MGAT5: variants seen among roughly 807,000 people sequenced by gnomAD.
The protein encoded by MGAT5 is alpha-1,6-mannosylglycoprotein 6-beta-N-acetylglucosaminyltransferase.
In MGAT5, 30 loss-of-function variants were observed where a neutral mutation model predicts 94.3. The observed-to-expected ratio is 0.32, with a 90% CI of 0.24 to 0.43. The LOEUF is 0.43. Ranked by LOEUF, MGAT5 falls within the 20% of genes least tolerant of loss-of-function variation. MGAT5 has a pLI of 1.00. For missense variants in MGAT5, 691 were observed against 905.5 expected, an observed-to-expected ratio of 0.76 and a Z score of 3.04; for synonymous variants, 310 against 322.9, an observed-to-expected ratio of 0.96 and a Z score of 0.43.
intron 1 of MGAT5, chr2:134,120,343 G>A: frequency 5.2e-6 from 2 of 387,544 alleles, no homozygotes; most frequent in Admixed American, 9.0e-5. Flanking sequence ...CGTCATCCCC[G>A]CGGGGTGATG....
intron 1 of MGAT5, among the ~76,000 whole-genome samples, chr2:134,228,799 T>A (rs1031194320): frequency 1.3e-5 from 2 of 152,176 alleles, no homozygotes; most frequent in African/African-American, 4.8e-5. Context: ...CTCCCTGTGA[T>A]CAGCTTTCCT....
Position 134,245,759 on chromosome 2 carries a change from A to T in MGAT5, c.-142-8503A>T, listed in dbSNP as rs1376386251. The stretch of plus-strand genomic sequence containing the variant: ...ATAGAGAGGGCAGGAAGAAGAGTGC[A>T]TGTTCTGGACCCAGATTCACCAGCC... On this transcript the variant is annotated intron_variant, in intron 1 of 16. Transcript: ENST00000409645. 5.3e-5 allele frequency among the ~76,000 whole-genome samples: 8 copies of T among 152,176 alleles called. No individual in the cohort carries two copies. In the East Asian group the frequency reaches 1.5e-3, roughly 29 times the overall value.
intron 4 of MGAT5, among the ~76,000 whole-genome samples, chr2:134,325,726 A>T (rs1294914089): frequency 6.6e-6 from 1 of 152,060 alleles, no homozygotes; most frequent in East Asian, 1.9e-4. Context: ...TCCAGTAAGG[A>T]CCCTAAATTG....
At chr2:134,303,899 C>T (rs565445324) in intron 2 of MGAT5, among the ~76,000 whole-genome samples, 2 of 152,270 alleles carry the variant, frequency 1.3e-5, no homozygotes, top group South Asian at 4.1e-4. Context: ...CTCTGGGGCA[C>T]AGCCATATAA....
At chr2:134,206,726 A>G (rs1680037902) in intron 1 of MGAT5, among the ~76,000 whole-genome samples, 1 of 152,180 alleles carries the variant, frequency 6.6e-6, no homozygotes, top group Non-Finnish European at 1.5e-5. Context: ...GAGGAGGATT[A>G]CTCAGAAGAG....
intron 10 of MGAT5, among the ~76,000 whole-genome samples, chr2:134,376,903 C>A (rs1267218553): frequency 6.6e-6 from 1 of 152,194 alleles, no homozygotes; most frequent in Non-Finnish European, 1.5e-5. Context: ...TCAGTAGGCC[C>A]AGACAAATCC....
chr2:134,183,021 A>C (rs1206471547), intron 1 of MGAT5, among the ~76,000 whole-genome samples: 1 of 151,832 alleles, frequency 6.6e-6, no homozygotes, highest in Non-Finnish European at 1.5e-5. Context: ...CGATCTCCTG[A>C]CCTCGTGATC....
intron 2 of MGAT5, among the ~76,000 whole-genome samples, chr2:134,285,991 G>A (rs558883267): frequency 7.9e-5 from 12 of 152,102 alleles, no homozygotes; most frequent in African/African-American, 2.9e-4. Flanking sequence ...ACATCTTTCT[G>A]TTTTTCCCAG....
chr2:134,431,808 C>G (rs540833985), intron 14 of MGAT5, among the ~76,000 whole-genome samples: 4 of 152,302 alleles, frequency 2.6e-5, no homozygotes, highest in African/African-American at 9.6e-5. Context: ...AGACAGCAAT[C>G]GAGGGCACGC....
intron 1 of MGAT5, among the ~76,000 whole-genome samples, chr2:134,237,148 T>TGC (rs145166543): frequency 7.1e-6 from 1 of 140,744 alleles, no homozygotes; most frequent in Non-Finnish European, 1.5e-5. Flanking sequence ...TGTGTGTGTG[T>TGC]GCGCGTGTGT....
intron 1 of MGAT5, among the ~76,000 whole-genome samples, chr2:134,130,849 T>G (rs1235602145): frequency 6.6e-6 from 1 of 152,124 alleles, no homozygotes; most frequent in Non-Finnish European, 1.5e-5. Flanking sequence ...TAGTGGGGAC[T>G]TGGAGAACTT....
chr2:134,446,954 G>A (rs1194123439), intron 15 of MGAT5, among the ~76,000 whole-genome samples: 3 of 152,240 alleles, frequency 2.0e-5, no homozygotes, highest in Non-Finnish European at 4.4e-5. Context: ...AGATGTGCGG[G>A]GAATCGCAGG....
rs915418527 is a variant in MGAT5, at chr2:134,410,772, G to A, written c.1531-2097G>A. Among the ~76,000 whole-genome samples the A allele has an allele frequency of 2.2e-4, 34 of 152,310 alleles. No homozygotes were observed. The Middle Eastern group carries it at 0.01, about 46-fold the overall frequency. On this transcript the variant is annotated intron_variant, in intron 11 of 15. Transcript: ENST00000281923. ...AAGCTGTTCTTTGAAATTTAGAGTT[G>A]ATGAAGGTATCCACACTTCATGGCA...
chr2:134,225,481 A>T (rs1681014483), intron 1 of MGAT5, among the ~76,000 whole-genome samples: 1 of 152,002 alleles, frequency 6.6e-6, no homozygotes, highest in Admixed American at 6.6e-5. Flanking sequence ...GCCGTGTTTT[A>T]GTTTAAGTTC....
intron 1 of MGAT5, among the ~76,000 whole-genome samples, chr2:134,243,566 G>T (rs1323172654): frequency 6.6e-6 from 1 of 152,162 alleles, no homozygotes; most frequent in Non-Finnish European, 1.5e-5. Flanking sequence ...TTATGACTCT[G>T]GGTCTGTTAA....
chr2:134,213,020 T>C (rs1370651075), intron 1 of MGAT5, among the ~76,000 whole-genome samples: 2 of 152,220 alleles, frequency 1.3e-5, no homozygotes, highest in Non-Finnish European at 2.9e-5. Flanking sequence ...ATTGAAATAC[T>C]GTTTTGCTGT....
intron 10 of MGAT5, among the ~76,000 whole-genome samples, chr2:134,388,449 C>T (rs572517114): frequency 2.0e-5 from 3 of 151,854 alleles, no homozygotes; most frequent in South Asian, 4.2e-4. Context: ...AAAAAAAAAC[C>T]CACTGCTATT....
intron 1 of MGAT5, among the ~76,000 whole-genome samples, chr2:134,183,244 G>A (rs1688838731): frequency 6.6e-6 from 1 of 152,132 alleles, no homozygotes; most frequent in Admixed American, 6.5e-5. Context: ...TCATAATATT[G>A]TTCTTCAAGG....
chr2:134,434,535 G>T (rs189046866), intron 14 of MGAT5, among the ~76,000 whole-genome samples: 2 of 152,340 alleles, frequency 1.3e-5, no homozygotes, highest in Admixed American at 1.3e-4. Context: ...CGTTGAGTTA[G>T]AATAGTTTCC....
Sources: allele counts gnomAD v4.1 joint callset (sites outside exome capture counted in the v4.1 genomes callset), GRCh38; gene constraint gnomAD v4.1.1; transcripts MANE v1.5; gene names NCBI Gene and HGNC (gene_info 2026-07-23, HGNC 2026-07-21).